DNAH5: variants seen among roughly 807,000 people sequenced by gnomAD.
DNAH5 encodes the protein dynein axonemal heavy chain 5, also known as axonemal beta dynein heavy chain 5.
In DNAH5, 372 loss-of-function variants were observed where a neutral mutation model predicts 518.2. The ratio of observed to expected loss-of-function variants is 0.72; its 90% CI spans 0.66 to 0.78. The LOEUF is 0.78. Ranked by LOEUF, DNAH5 falls within the 30% of genes least tolerant of loss-of-function variation. DNAH5 has a pLI of 0.00. For synonymous variants in DNAH5, 2,039 were observed against 2,025.9 expected (o/e 1.01, Z -0.17); for missense variants, 5,523 against 5,687.0 (o/e 0.97, Z 0.93).
chr5:13,808,655 A>G (rs1342863524), intron 46 of DNAH5, among the ~76,000 whole-genome samples: 1 of 152,240 alleles, frequency 6.6e-6, no homozygotes, highest in Non-Finnish European at 1.5e-5. Context: ...ACATTTTATA[A>G]TAAATGCAGG....
At chr5:13,768,049 C>G (rs1230608306) in intron 58 of DNAH5, among the ~76,000 whole-genome samples, 1 of 152,192 alleles carries the variant, frequency 6.6e-6, no homozygotes, top group African/African-American at 2.4e-5. Flanking sequence ...TGGCCTAGTT[C>G]ACTAAACTCA....
intron 1 of DNAH5, among the ~76,000 whole-genome samples, chr5:13,987,903 A>AAAT (rs56327723): frequency 0.42 from 64,020 of 151,384 alleles, 13,899 homozygotes; most frequent in East Asian, 0.77. Flanking sequence ...AGGACCCTTC[A>AAAT]AATGTCTACT....
In DNAH5 at chr5:13,958,625, G is replaced by A. The variant is rs140092554; in HGVS notation, c.13-27381C>T. Reference sequence around the variant, plus strand: ...GGACCAAGACAGCCATTTTATTTTCGTAAAAAGTAAAATTAACTATGAATA... The same window carrying A: ...GGACCAAGACAGCCATTTTATTTTCATAAAAAGTAAAATTAACTATGAATA... On this transcript the variant is annotated intron_variant, in intron 1 of 78. Transcript: ENST00000681290. Among the ~76,000 whole-genome samples the A allele has an allele frequency of 5.4e-3, 821 of 152,150 alleles. 9 individuals are homozygous for A. Among genetic ancestry groups the A allele is most frequent in the African/African-American group, 0.019 (784 of 41,526 alleles).
intron 1 of DNAH5, among the ~76,000 whole-genome samples, chr5:13,955,930 A>G (rs939165668): frequency 1.3e-5 from 2 of 152,196 alleles, no homozygotes; most frequent in South Asian, 2.1e-4. Context: ...AAAGCAAGAC[A>G]TGAGGGGAGG....
intron 9 of DNAH5, among the ~76,000 whole-genome samples, chr5:13,915,171 G>A (rs6893653): frequency 0.44 from 66,736 of 151,798 alleles, 15,496 homozygotes; most frequent in East Asian, 0.85. Context: ...TAATTTTTTG[G>A]ATAAAGCATA....
intron 1 of DNAH5, among the ~76,000 whole-genome samples, chr5:14,004,097 T>C (rs1784552777): frequency 6.6e-6 from 1 of 152,270 alleles, no homozygotes; most frequent in African/African-American, 2.4e-5. Flanking sequence ...AGCTCCAACT[T>C]TCTGGAACTT....
chr5:13,778,644 C>T (rs1020104851), intron 53 of DNAH5, among the ~76,000 whole-genome samples: 6 of 151,838 alleles, frequency 4.0e-5, no homozygotes, highest in African/African-American at 1.2e-4. Flanking sequence ...AAACATCTCA[C>T]CCAGCTTCTT....
chr5:13,698,535 A>G (rs1741666311), intron 78 of DNAH5, among the ~76,000 whole-genome samples: 1 of 152,196 alleles, frequency 6.6e-6, no homozygotes, highest in South Asian at 2.1e-4. Context: ...TATCTTTTTA[A>G]TATATATGGT....
At chr5:13,724,556 T>C (rs1025816387) in intron 70 of DNAH5, among the ~76,000 whole-genome samples, 1 of 152,294 alleles carries the variant, frequency 6.6e-6, no homozygotes, top group Admixed American at 6.5e-5. Flanking sequence ...AAGAAGGACA[T>C]GGGATTTGAG....
intron 55 of DNAH5, among the ~76,000 whole-genome samples, chr5:13,774,515 C>G (rs186532085): frequency 2.0e-4 from 31 of 152,184 alleles, no homozygotes; most frequent in African/African-American, 7.2e-4. Context: ...AGGCTGTGGA[C>G]GAGCTTTCCT....
intron 44 of DNAH5, among the ~76,000 whole-genome samples, chr5:13,811,118 G>A (rs1159026355): frequency 6.6e-6 from 1 of 152,158 alleles, no homozygotes; most frequent in Non-Finnish European, 1.5e-5. Context: ...TGGGGATGAT[G>A]AATGGGTGCA....
At position 13,841,918 on chromosome 5, in the gene DNAH5, C is replaced by CAAAA. The variant is rs35337694; in HGVS notation, c.5272-18_5272-15dup. ...TCGATCATAGATCTATGTTAGAAACCAAAAAAAAAAAAAAAAAAAGCTATA... is the reference window on the plus strand; with the variant it reads ...TCGATCATAGATCTATGTTAGAAACCAAAAAAAAAAAAAAAAAAAAAAAGCTATA... On this transcript the variant is annotated splice_polypyrimidine_tract_variant and intron_variant, in intron 32 of 78. Transcript: ENST00000265104. 162 of 592,574 alleles carry CAAAA rather than the reference C, an allele frequency of 2.7e-4. No homozygotes were observed. Among genetic ancestry groups the CAAAA allele is most frequent in the Middle Eastern group, 9.3e-4 (2 of 2,148 alleles). The allele number at this position is 592,574 out of a possible 1,614,324, so 36.7% of individuals were successfully genotyped here.
rs1454683461 is a variant in DNAH5 at position 13,922,374 on chromosome 5, A to G, written c.439-46T>C. The G allele has an allele frequency of 2.6e-6, 4 of 1,509,586 alleles. No homozygotes were observed. In the Admixed American group the frequency reaches 7.3e-5, roughly 28 times the overall value. 93.5% of individuals were successfully genotyped at this position (1,509,586 alleles called of 1,614,324 possible). A position where few individuals can be genotyped will look rare whatever the true frequency, so the allele number is the denominator to read the frequency against. ...CTTTTATTGTAAAAATCATCCTCAAATGCAACACAACTACTAAGTCATTTC... is the reference window on the plus strand; with the variant it reads ...CTTTTATTGTAAAAATCATCCTCAAGTGCAACACAACTACTAAGTCATTTC... On this transcript the variant is annotated intron_variant, in intron 4 of 78. Transcript: ENST00000265104.
rs115040164 is a variant in DNAH5 at position 13,805,911 on chromosome 5, T to C, written c.7887+1680A>G. ...GCTGGTGTCTGAGTGAGGGCAGTCT[T>C]GTGGGGACTCGGCCCTTAACTTCTG... On this transcript the variant is annotated intron_variant, in intron 47 of 78. Coordinates refer to ENST00000265104, the MANE Select transcript of DNAH5 (RefSeq NM_001369.3). Among the ~76,000 whole-genome samples, 350 of 152,238 alleles carry C rather than the reference T, an allele frequency of 2.3e-3. 3 individuals are homozygous for C. The highest frequency in any genetic ancestry group is 8.1e-3 in the African/African-American group (338 of 41,534).
chr5:13,845,832 C>CTTT (rs557275110), intron 31 of DNAH5, among the ~76,000 whole-genome samples: 6 of 110,666 alleles, frequency 5.4e-5, no homozygotes, highest in East Asian at 2.7e-4. Context: ...CTTTTTTGAC[C>CTTT]TTTTTTTTTT....
chr5:13,903,508 C>T (rs1774931725), intron 12 of DNAH5, among the ~76,000 whole-genome samples: 1 of 151,546 alleles, frequency 6.6e-6, no homozygotes, highest in African/African-American at 2.4e-5. Flanking sequence ...ATGTTTTAAT[C>T]ACACCCAAAA....
At chr5:13,805,536 T>C (rs1412118942) in intron 47 of DNAH5, among the ~76,000 whole-genome samples, 1 of 151,928 alleles carries the variant, frequency 6.6e-6, no homozygotes. Flanking sequence ...CTATGGCCAA[T>C]GATGTAATCA....
chr5:13,936,342 A>C (rs527263934), intron 1 of DNAH5, among the ~76,000 whole-genome samples: 1 of 152,310 alleles, frequency 6.6e-6, no homozygotes, highest in Admixed American at 6.5e-5. Context: ...AAAATTTTAA[A>C]ATACAAATCC....
intron 49 of DNAH5, among the ~76,000 whole-genome samples, chr5:13,793,214 T>C (rs1397592053): frequency 6.6e-6 from 1 of 152,144 alleles, no homozygotes; most frequent in Non-Finnish European, 1.5e-5. Flanking sequence ...GGAAACAACC[T>C]CATGTATGGG....
Sources: allele counts gnomAD v4.1 joint callset (sites outside exome capture counted in the v4.1 genomes callset), GRCh38; gene constraint gnomAD v4.1.1; transcripts MANE v1.5; gene names NCBI Gene and HGNC (gene_info 2026-07-23, HGNC 2026-07-21).